Variants in ECPAS observed in about 807,000 individuals in gnomAD.
ECPAS encodes the protein Ecm29 proteasome adaptor and scaffold.
ECPAS carries 70 observed loss-of-function variants against 255.1 expected under a neutral mutation model. The observed-to-expected ratio is 0.27, with a 90% CI of 0.23 to 0.33. ECPAS has a LOEUF of 0.33. Ranked by LOEUF, ECPAS falls within the 10% of genes least tolerant of loss-of-function variation. ECPAS has a pLI of 1.00. For missense variants in ECPAS, 1,817 were observed against 2,206.4 expected (o/e 0.82, Z 3.54); for synonymous variants, 784 against 775.0 (o/e 1.01, Z -0.19).
chr9:111,444,554 T>A, intron 3 of ECPAS, 60 bp from the exon 4 acceptor site: 1 of 1,116,578 alleles, frequency 9.0e-7, no homozygotes, highest in Non-Finnish European at 1.3e-6. Flanking sequence ...CCACTCATCT[T>A]AAAATTCATT....
chr9:111,378,746 A>T lies in ECPAS; in HGVS notation c.3804-16T>A, dbSNP rs767674140. 19 of 1,596,478 alleles carry T rather than the reference A, an allele frequency of 1.2e-5. No homozygotes were observed. In the South Asian group the frequency reaches 1.3e-4, roughly 11 times the overall value. ...GGTGTTAATGCTACAAACATATGGA[A>T]CACAACTCCTGAGTCCTTTTAACAA... On this transcript the variant is annotated splice_polypyrimidine_tract_variant and intron_variant, in intron 35 of 49. Transcript: ENST00000684092.
chr9:111,378,475 T>G (rs2098136172), intron 36 of ECPAS, 105 bp downstream of exon 36: 293 of 1,137,754 alleles, frequency 2.6e-4, no homozygotes, highest in Non-Finnish European at 3.3e-4. Flanking sequence ...TGACAGAGGG[T>G]GAGTTCTGGT....
chr9:111,389,892 A>C, intron 30 of ECPAS, 92 bp downstream of exon 30: 1 of 1,127,842 alleles, frequency 8.9e-7, no homozygotes, highest in Non-Finnish European at 1.3e-6. Flanking sequence ...ACTTTCACAA[A>C]ATGCACTACA....
chr9:111,454,310 T>TGGGGGGGGGGGG (rs71501914), intron 2 of ECPAS, among the ~76,000 whole-genome samples: 1 of 20,070 alleles, frequency 5.0e-5, no homozygotes, highest in Admixed American at 6.2e-4. Context: ...TGGGGGGAGA[T>TGGGGGGGGGGGG]GGGGGGGTGG....
intron 18 of ECPAS, among the ~76,000 whole-genome samples, chr9:111,415,820 A>G (rs1413325152): frequency 6.6e-6 from 1 of 152,162 alleles, no homozygotes; most frequent in Non-Finnish European, 1.5e-5. Flanking sequence ...CAGCAAATTC[A>G]CTGTGAATAT....
rs182716543 is a variant in ECPAS at position 111,392,016 on chromosome 9, G to T, written c.3093-192C>A. ...AGCACTTTGGGAGGCCGAGGTGGGTGGATCACTAGGTCAGGAGTTCGAGGC... is the reference window on the plus strand; with the variant it reads ...AGCACTTTGGGAGGCCGAGGTGGGTTGATCACTAGGTCAGGAGTTCGAGGC... On this transcript the variant is annotated intron_variant, in intron 28 of 49. Transcript: ENST00000684092. Among the ~76,000 whole-genome samples the T allele has an allele frequency of 3.6e-3, 552 of 152,272 alleles. 1 individual carries two copies. Among genetic ancestry groups the T allele is most frequent in the Non-Finnish European group, 5.5e-3 (376 of 68,026 alleles).
At chr9:111,423,125 G>T in intron 13 of ECPAS, 74 bp downstream of exon 13, 1 of 980,144 alleles carries the variant, frequency 1.0e-6, no homozygotes, top group Non-Finnish European at 1.6e-6. Flanking sequence ...TTTATTCTCC[G>T]CCATTATTAA....
intron 2 of ECPAS, among the ~76,000 whole-genome samples, chr9:111,459,902 T>A (rs1409249989): frequency 6.6e-6 from 1 of 152,000 alleles, no homozygotes; most frequent in Non-Finnish European, 1.5e-5. Context: ...GAGAAAAAGG[T>A]GGGGTAAAGG....
intron 23 of ECPAS, among the ~76,000 whole-genome samples, chr9:111,409,832 C>A (rs1005363928): frequency 6.6e-6 from 1 of 152,118 alleles, no homozygotes; most frequent in African/African-American, 2.4e-5. Context: ...ATTGGAATGA[C>A]TGGGCCAAAA....
chr9:111,372,721 G>A, intron 41 of ECPAS, 101 bp from the exon 42 acceptor site: 1 of 918,974 alleles, frequency 1.1e-6, no homozygotes, highest in Non-Finnish European at 1.6e-6. Flanking sequence ...AAACAAACAG[G>A]TAAAATCAAT....
At chr9:111,408,457 A>C in intron 24 of ECPAS, 114 bp downstream of exon 24, 1 of 625,680 alleles carries the variant, frequency 1.6e-6, no homozygotes. Context: ...CTGGTGAATA[A>C]ACAAGTAAAT....
chr9:111,479,933 C>T (rs1392366913), intron 1 of ECPAS, among the ~76,000 whole-genome samples: 3 of 147,478 alleles, frequency 2.0e-5, no homozygotes, highest in East Asian at 2.1e-4. Context: ...GAGCCGAGAT[C>T]GCGCGCCACT....
intron 3 of ECPAS, among the ~76,000 whole-genome samples, chr9:111,447,765 C>T (rs894341377): frequency 6.6e-6 from 1 of 151,704 alleles, no homozygotes; most frequent in Non-Finnish European, 1.5e-5. Flanking sequence ...ATATTAAGTT[C>T]AAAATGATTA....
At chr9:111,382,008 AACACACACACACACAC>A (rs72204951) in intron 35 of ECPAS, among the ~76,000 whole-genome samples, 2 of 147,126 alleles carry the variant, frequency 1.4e-5, no homozygotes, top group East Asian at 2.0e-4. Context: ...AATTTTGTAA[AACACACACACACACAC>A]ACACACACAC....
chr9:111,474,531 A>AGTGTTACACCAATGCCAC (rs2098293866), intron 1 of ECPAS, among the ~76,000 whole-genome samples: 1 of 152,194 alleles, frequency 6.6e-6, no homozygotes, highest in Admixed American at 6.5e-5. Context: ...CCTTGCAATC[A>AGTGTTACACCAATGCCAC]GTGTTACACC....
intron 49 of ECPAS, among the ~76,000 whole-genome samples, chr9:111,362,371 T>C (rs935828576): frequency 6.6e-6 from 1 of 152,212 alleles, no homozygotes; most frequent in Non-Finnish European, 1.5e-5. Flanking sequence ...AACCTAATTC[T>C]TGACAGTAGC....
Position 111,425,484 on chromosome 9 carries a change from G to T in ECPAS, c.1149C>A (p.Ile383=). The T allele has an allele frequency of 6.3e-7, 1 of 1,596,636 alleles. No individual in the cohort carries two copies. The highest frequency in any genetic ancestry group is 8.5e-7 in the Non-Finnish European group (1 of 1,171,930). Residue 383 remains isoleucine, a synonymous_variant, in exon 12 of 50, where the codon ATC becomes ATA. Coordinates refer to ENST00000684092, the MANE Select transcript of ECPAS (RefSeq NM_001364929.1). ...GCATTGGACCTAATGGCTTAATCTT[G>T]ATTTCTGGACAGCTTTAAATAAAAC... ...VHHICITCPE[I]KIKPLGPMLL...
intron 24 of ECPAS, among the ~76,000 whole-genome samples, chr9:111,400,556 A>C (rs2098174271): frequency 6.6e-6 from 1 of 152,344 alleles, no homozygotes; most frequent in South Asian, 2.1e-4. Flanking sequence ...GGAATTCAGA[A>C]ACTTATAAGA....
chr9:111,390,118 A>T lies in ECPAS; in HGVS notation c.3162-17T>A. 1 of 1,460,906 alleles carries T rather than the reference A, an allele frequency of 6.8e-7. No homozygotes were observed. Among genetic ancestry groups the T allele is most frequent in the Non-Finnish European group, 9.5e-7 (1 of 1,057,390 alleles). The allele number at this position is 1,460,906 out of a possible 1,614,324, so 90.5% of individuals were successfully genotyped here. On this transcript the variant is annotated splice_polypyrimidine_tract_variant and intron_variant, in intron 29 of 49. Coordinates refer to ENST00000684092, the MANE Select transcript of ECPAS (RefSeq NM_001364929.1). The stretch of plus-strand genomic sequence containing the variant: ...AGGCCCTGACTTGGAAACAAAGAAA[A>T]AGAGGTAGGCAATAATACACTTCTC...
Sources: gnomAD v4.1 joint callset for allele counts (sites outside exome capture counted in the v4.1 genomes callset) on GRCh38, gnomAD v4.1.1 for gene constraint, MANE v1.5 for transcripts, NCBI Gene and HGNC (gene_info 2026-07-23, HGNC 2026-07-21) for gene names.